TRIOBP: variants seen among roughly 807,000 people sequenced by gnomAD.
The protein encoded by TRIOBP is TRIO and F-actin binding protein.
TRIOBP carries 169 observed loss-of-function variants against 238.8 expected under a neutral mutation model. The observed-to-expected ratio is 0.71, with a 90% CI of 0.62 to 0.80. The LOEUF (loss-of-function observed/expected upper bound fraction) is 0.80, where lower values mean the gene tolerates loss of function less well. Ranked by LOEUF, TRIOBP falls within the 30% of genes least tolerant of loss-of-function variation. The probability of loss-of-function intolerance (pLI) is 0.00; values close to 1 mark genes in which losing one functional copy is unlikely to be tolerated. For missense variants in TRIOBP, 2,838 were observed against 3,122.6 expected (o/e 0.91, Z 2.17); for synonymous variants, 1,150 against 1,274.4 (o/e 0.90, Z 2.08).
In TRIOBP at chr22:37,713,236, C is replaced by G. The variant is rs376192371; in HGVS notation, c.281C>G (p.Pro94Arg). ...GGCCCATCCCCCTCAGCAGGGCTCC[C>G]AGAAGAGGGTCCCACAGCTGCCCCC... ...KRGPSPSAGL[P>R]EEGPTAAPRS... The change falls in exon 5 of 24, where the codon CCA becomes CGA. Residue 94 changes from proline (P) to arginine (R), a missense_variant. By Grantham distance (103) the Pro-to-Arg change is moderately radical. Around this residue, in one of 5 missense-constraint regions of TRIOBP, gnomAD observed 535 missense variants for 537.3 expected, o/e 1.00. Transcript: ENST00000644935. 1.9e-6 allele frequency: 3 copies of G among 1,613,670 alleles called. No individual in the cohort carries two copies. Among genetic ancestry groups the G allele is most frequent in the Admixed American group, 1.7e-5 (1 of 59,974 alleles).
At position 37,771,859 on chromosome 22, in the gene TRIOBP, C is replaced by T. The variant is rs146904794; in HGVS notation, c.6936+123C>T. ...TCATCCTTCCTCAGGCTCTCCTGTG[C>T]TTCTCCCATGTAGGTGTCATCATCC... On this transcript the variant is annotated intron_variant, in intron 22 of 23. Transcript: ENST00000644935. 6,268 of 870,238 alleles carry T rather than the reference C, an allele frequency of 7.2e-3. 36 individuals are homozygous for T. The highest frequency in any genetic ancestry group is 8.7e-3 in the Non-Finnish European group (4,585 of 528,620). 53.9% of individuals were successfully genotyped at this position (870,238 alleles called of 1,614,324 possible). A position where few individuals can be genotyped will look rare whatever the true frequency, so the allele number is the denominator to read the frequency against.
rs1459208683 is a variant in TRIOBP, at chr22:37,735,261, A to G, written c.4925A>G (p.His1642Arg). ...GCCGAGGCCACCCCAGTCAATGGACACAGCCCCGCACTGCAGTCCCAGAGC... is the reference window on the plus strand; with the variant it reads ...GCCGAGGCCACCCCAGTCAATGGACGCAGCCCCGCACTGCAGTCCCAGAGC... ...GWAEATPVNGHSPALQSQSPV... is the reference protein window; with the variant it reads ...GWAEATPVNGRSPALQSQSPV... The change falls in exon 9 of 24, where the codon CAC (histidine) becomes CGC (arginine). Residue 1642 changes from histidine (H) to arginine (R), a missense_variant. Physicochemically the swap from His to Arg is conservative, Grantham distance 29 (BLOSUM62 0). Coordinates refer to ENST00000644935, the MANE Select transcript of TRIOBP (RefSeq NM_001039141.3). 6.2e-7 allele frequency: 1 copy of G among 1,604,202 alleles called. No homozygotes were observed. The highest frequency in any genetic ancestry group is 8.5e-7 in the Non-Finnish European group (1 of 1,172,510).
Position 37,723,288 on chromosome 22 carries a change from C to T in TRIOBP, c.732C>T (p.Ser244=). 3 of 1,614,124 alleles carry T rather than the reference C, an allele frequency of 1.9e-6. No homozygotes were observed. Among genetic ancestry groups the T allele is most frequent in the Non-Finnish European group, 2.5e-6 (3 of 1,179,992 alleles). Residue 244 remains serine (S), a synonymous_variant, in exon 7 of 24, where the codon TCC becomes TCT. Coordinates refer to ENST00000644935, the MANE Select transcript of TRIOBP (RefSeq NM_001039141.3). ...ACCGGTCAACACTGACCCAGGCTTC[C>T]TCCATGACACCACACAGTGGACCTC... The part of the protein sequence containing the change: ...ERHRSTLTQA[S]SMTPHSGPRS...
Position 37,734,870 on chromosome 22 carries a change from C to A in TRIOBP, c.4534C>A (p.Leu1512Ile). The change falls in exon 9 of 24, where the codon CTC becomes ATC. Residue 1512 changes from leucine (L) to isoleucine (I), a missense_variant. Physicochemically the swap from Leu to Ile is conservative, Grantham distance 5 (BLOSUM62 2). Around this residue, in one of 5 missense-constraint regions of TRIOBP, gnomAD observed 2,096 missense variants for 2,137.4 expected, o/e 0.98. Coordinates refer to ENST00000644935, the MANE Select transcript of TRIOBP (RefSeq NM_001039141.3). ...LPRELGKRSP[L>I]TSPPENWGGP... ...CAGAGAACTAGGAAAGAGAAGCCCA[C>A]TCACGAGCCCCCCTGAGAACTGGGG... 1.9e-6 allele frequency: 3 copies of A among 1,613,082 alleles called. No individual in the cohort carries two copies. The highest frequency in any genetic ancestry group is 1.7e-5 in the Admixed American group (1 of 60,026).
chr22:37,769,006 C>T (rs1288716398), intron 19 of TRIOBP, 22 bp from the exon 20 acceptor site: 1 of 1,613,028 alleles, frequency 6.2e-7, no homozygotes, highest in South Asian at 1.1e-5. Context: ...CTATGCTCTC[C>T]TCTGCTCCTC....
chr22:37,753,457 T>G (rs1365880736), intron 12 of TRIOBP, among the ~76,000 whole-genome samples: 6 of 152,154 alleles, frequency 3.9e-5, no homozygotes, highest in Non-Finnish European at 8.8e-5. Context: ...TTTTGTATTT[T>G]TAGTAGAGAC....
At position 37,757,145 on chromosome 22, in the gene TRIOBP, T is replaced by G. The variant is rs369465081; in HGVS notation, c.5688-468T>G. The stretch of plus-strand genomic sequence containing the variant: ...GGGAGGCTGAGGTGGGAGGAGCACG[T>G]GAGCCCAGGAGTTCGAGACCAACCT... On this transcript the variant is annotated intron_variant, in intron 15 of 23. Transcript: ENST00000644935. 2.9e-3 allele frequency among the ~76,000 whole-genome samples: 449 copies of G among 152,246 alleles called. 1 individual carries two copies. The highest frequency in any genetic ancestry group is 0.01 in the African/African-American group (423 of 41,538).
At chr22:37,702,191 GTTTTCT>G (rs1164092225) in intron 3 of TRIOBP, among the ~76,000 whole-genome samples, 1 of 151,950 alleles carries the variant, frequency 6.6e-6, no homozygotes, top group African/African-American at 2.4e-5. Context: ...ACTTGAGAGT[GTTTTCT>G]TTTTCTTTTT....
chr22:37,748,810 C>T (rs976851074), intron 11 of TRIOBP, among the ~76,000 whole-genome samples: 2 of 152,104 alleles, frequency 1.3e-5, no homozygotes, highest in African/African-American at 4.8e-5. Context: ...TGTGAAGGGA[C>T]CTCAGAGGTG....
intron 9 of TRIOBP, among the ~76,000 whole-genome samples, chr22:37,737,551 C>T (rs745400554): frequency 2.0e-5 from 3 of 150,524 alleles, no homozygotes; most frequent in Non-Finnish European, 4.4e-5. Context: ...GTCCCAGCTA[C>T]TTGGGAGGCT....
At chr22:37,699,152 A>G (rs1444101132) in intron 2 of TRIOBP, among the ~76,000 whole-genome samples, 1 of 152,198 alleles carries the variant, frequency 6.6e-6, no homozygotes, top group Non-Finnish European at 1.5e-5. Context: ...TTCGTCTCAA[A>G]AAAACAAAAC....
intron 11 of TRIOBP, chr22:37,750,859 C>T (rs1375226171): frequency 4.4e-5 from 18 of 412,744 alleles, no homozygotes; most frequent in Admixed American, 2.6e-4. Flanking sequence ...CCATGCCACC[C>T]GTTCTCTGCA....
Position 37,735,149 on chromosome 22 carries a change from C to G in TRIOBP, c.4813C>G (p.Leu1605Val), listed in dbSNP as rs1399343440. 2.5e-6 allele frequency: 4 copies of G among 1,610,074 alleles called. No homozygotes were observed. ...GGACCCAGCTGGACACAGGGATGAC[C>G]TGGCCAGGGCTTTAGGGCCAGAGCT... ...RKDPAGHRDDLARALGPELGP... is the reference protein window; with the variant it reads ...RKDPAGHRDDVARALGPELGP... Residue 1605 changes from leucine to valine, a missense_variant, in exon 9 of 24, where the codon CTG becomes GTG. Physicochemically the swap from Leu to Val is conservative, Grantham distance 32. Transcript: ENST00000644935.
intron 3 of TRIOBP, among the ~76,000 whole-genome samples, chr22:37,704,108 A>C: frequency 6.6e-6 from 1 of 152,214 alleles, no homozygotes; most frequent in East Asian, 1.9e-4. Flanking sequence ...AGAAAGGCAC[A>C]GCCAGGCACA....
In TRIOBP at chr22:37,759,071, C is replaced by A. The variant is rs1363585765; in HGVS notation, c.6214-83C>A. ...ACGCTGGGCTTGTATCCGTGTGGAG[C>A]TGGAAGCCTGCGGGCTCCTCACTGC... is the stretch of plus-strand genomic sequence containing the variant. On this transcript the variant is annotated intron_variant, in intron 16 of 23. Transcript: ENST00000644935. 40 of 1,160,664 alleles carry A rather than the reference C, an allele frequency of 3.4e-5. No individual in the cohort carries two copies. In the East Asian group the frequency reaches 1.0e-3, roughly 30 times the overall value. The allele number at this position is 1,160,664 out of a possible 1,614,324, so 71.9% of individuals were successfully genotyped here.
chr22:37,702,496 G>A (rs977211271), intron 3 of TRIOBP, among the ~76,000 whole-genome samples: 3 of 151,996 alleles, frequency 2.0e-5, no homozygotes, highest in Admixed American at 1.3e-4. Flanking sequence ...GAGCCACCGC[G>A]CCTGGCCTCG....
rs199656357 is a variant in TRIOBP at position 37,726,163 on chromosome 22, A to G, written c.3607A>G (p.Thr1203Ala). The stretch of plus-strand genomic sequence containing the variant: ...TAGTATGGAGAGCCTGGCCCCCTCC[A>G]CTGACTCTCTGCATGGCTCCCCAGT... Reference protein sequence around the residue: ...GTSMESLAPSTDSLHGSPVLI... With the variant: ...GTSMESLAPSADSLHGSPVLI... Residue 1203 changes from threonine (T) to alanine (A), a missense_variant, in exon 7 of 24, where the codon ACT becomes GCT. Thr to Ala is a moderately conservative substitution (Grantham distance 58). This residue lies in a region of TRIOBP where 2,096 missense variants were observed against 2,137.4 expected (regional missense o/e 0.98). Transcript: ENST00000644935. The G allele has an allele frequency of 6.4e-7, 1 of 1,574,192 alleles. No individual in the cohort carries two copies. Among genetic ancestry groups the G allele is most frequent in the Admixed American group, 1.8e-5 (1 of 55,820 alleles).
At chr22:37,721,390 A>C (rs752718894) in intron 6 of TRIOBP, among the ~76,000 whole-genome samples, 5 of 152,172 alleles carry the variant, frequency 3.3e-5, no homozygotes. Flanking sequence ...AGGCTGGACG[A>C]GGCAGTGGCT....
At chr22:37,699,293 G>C (rs1181046078) in intron 2 of TRIOBP, among the ~76,000 whole-genome samples, 1 of 151,968 alleles carries the variant, frequency 6.6e-6, no homozygotes, top group Non-Finnish European at 1.5e-5. Flanking sequence ...CCAGCTTTTT[G>C]CCTCCCTCGC....
Sources: gnomAD v4.1 joint callset for allele counts (sites outside exome capture counted in the v4.1 genomes callset) on GRCh38, gnomAD v4.1.1 for gene constraint, gnomAD v4.1.1 regional missense constraint, MANE v1.5 for transcripts, NCBI Gene and HGNC (gene_info 2026-07-23, HGNC 2026-07-21) for gene names.